ZNF423: variants seen among roughly 807,000 people sequenced by gnomAD.
ZNF423 encodes the protein Ebf-associated zinc finger protein.
ZNF423 carries 12 observed loss-of-function variants against 95.8 expected under a neutral mutation model. The observed-to-expected ratio is 0.13, with a 90% CI of 0.08 to 0.20. The LOEUF (loss-of-function observed/expected upper bound fraction) is 0.20, where lower values mean the gene tolerates loss of function less well. Ranked by LOEUF, ZNF423 falls within the 10% of genes least tolerant of loss-of-function variation. ZNF423 has a pLI of 1.00. For synonymous variants in ZNF423, 749 were observed against 711.9 expected (o/e 1.05, Z -0.83); for missense variants, 1,316 against 1,737.1 (o/e 0.76, Z 4.31).
chr16:49,839,022 C>T (rs1330765310), intron 1 of ZNF423, among the ~76,000 whole-genome samples: 1 of 151,096 alleles, frequency 6.6e-6, no homozygotes, highest in Non-Finnish European at 1.5e-5. Flanking sequence ...CCCGAGGCCC[C>T]CTCCCCTGAT....
At chr16:49,796,052 G>T (rs888125531) in intron 1 of ZNF423, among the ~76,000 whole-genome samples, 2 of 152,132 alleles carry the variant, frequency 1.3e-5, no homozygotes, top group South Asian at 2.1e-4. Context: ...CTGGGGCTCT[G>T]CCAGGGCTTC....
chr16:49,699,252 CG>C (rs1175414177), intron 3 of ZNF423, among the ~76,000 whole-genome samples: 1 of 152,104 alleles, frequency 6.6e-6, no homozygotes, highest in Non-Finnish European at 1.5e-5. Context: ...CCGGCTCCCC[CG>C]GGGGCCGCAC....
intron 5 of ZNF423, among the ~76,000 whole-genome samples, chr16:49,577,320 T>A (rs1970530272): frequency 6.6e-6 from 1 of 152,198 alleles, no homozygotes; most frequent in Non-Finnish European, 1.5e-5. Flanking sequence ...TATGTAATTC[T>A]CACTAGCACA....
intron 1 of ZNF423, among the ~76,000 whole-genome samples, chr16:49,831,343 T>C (rs955574369): frequency 3.3e-5 from 5 of 152,202 alleles, no homozygotes; most frequent in African/African-American, 1.2e-4. Context: ...AGGAAATGGG[T>C]TCATTTTCCC....
At chr16:49,519,960 T>C (rs573680886) in intron 7 of ZNF423, among the ~76,000 whole-genome samples, 1 of 152,190 alleles carries the variant, frequency 6.6e-6, no homozygotes, top group African/African-American at 2.4e-5. Flanking sequence ...ACTGCCTTCA[T>C]GCCATCGGGC....
chr16:49,755,024 G>A (rs1007720756), intron 2 of ZNF423, among the ~76,000 whole-genome samples: 1 of 152,186 alleles, frequency 6.6e-6, no homozygotes, highest in East Asian at 1.9e-4. Flanking sequence ...GCTATCTTCC[G>A]CGGTGGCAGC....
At chr16:49,778,146 G>A (rs2034150717) in intron 2 of ZNF423, among the ~76,000 whole-genome samples, 1 of 152,188 alleles carries the variant, frequency 6.6e-6, no homozygotes, top group Admixed American at 6.5e-5. Flanking sequence ...TTTTGAACCA[G>A]AGAGGCATCA....
intron 5 of ZNF423, among the ~76,000 whole-genome samples, chr16:49,547,708 C>T (rs1046834785): frequency 6.6e-6 from 1 of 152,226 alleles, no homozygotes; most frequent in African/African-American, 2.4e-5. Flanking sequence ...CTCCAAAGAG[C>T]ACAGCAGGTA....
At chr16:49,618,309 A>G (rs1971944380) in intron 5 of ZNF423, among the ~76,000 whole-genome samples, 1 of 152,188 alleles carries the variant, frequency 6.6e-6, no homozygotes, top group African/African-American at 2.4e-5. Flanking sequence ...GGTGCTGAGT[A>G]AGCTTCATTA....
chr16:49,515,040 A>G (rs978433617), intron 7 of ZNF423, among the ~76,000 whole-genome samples: 4 of 152,250 alleles, frequency 2.6e-5, no homozygotes, highest in African/African-American at 9.6e-5. Flanking sequence ...AAGGGGAGAA[A>G]GGTGGCAGCA....
rs145072962 is a variant in ZNF423 at position 49,789,795 on chromosome 16, C to T, written c.41-249G>A. On this transcript the variant is annotated intron_variant, in intron 1 of 7. Coordinates refer to ENST00000563137, the MANE Select transcript of ZNF423 (RefSeq NM_001379286.1). ...TTATGGTTTCCCCAGCCCTGTGCCC[C>T]TGGCAGACATCACTAATCAATCTCA... Among the ~76,000 whole-genome samples, 11 of 152,290 alleles carry T rather than the reference C, an allele frequency of 7.2e-5. No homozygotes were observed. The East Asian group carries it at 2.1e-3, about 29-fold the overall frequency.
chr16:49,706,831 G>T (rs1329094845), intron 3 of ZNF423, among the ~76,000 whole-genome samples: 2 of 152,294 alleles, frequency 1.3e-5, no homozygotes, highest in East Asian at 3.9e-4. Context: ...GTGAGGTAAT[G>T]GCTCCGGGCA....
intron 5 of ZNF423, among the ~76,000 whole-genome samples, chr16:49,543,989 C>G (rs541634344): frequency 2.6e-4 from 40 of 152,310 alleles, no homozygotes; most frequent in South Asian, 4.1e-4. Flanking sequence ...TGATAGAATG[C>G]AACAACTGTC....
intron 5 of ZNF423, among the ~76,000 whole-genome samples, chr16:49,560,044 C>T (rs1197884924): frequency 4.6e-5 from 7 of 152,166 alleles, no homozygotes; most frequent in East Asian, 1.9e-4. Context: ...AGCAGGGTAC[C>T]GAGTAGAACA....
At chr16:49,527,993 T>A (rs1968680638) in intron 5 of ZNF423, among the ~76,000 whole-genome samples, 1 of 152,146 alleles carries the variant, frequency 6.6e-6, no homozygotes, top group African/African-American at 2.4e-5. Flanking sequence ...TGTAACCATG[T>A]GAGATTTTCT....
At chr16:49,847,425 A>C (rs1274471886) in intron 1 of ZNF423, 2 of 152,284 alleles carry the variant, frequency 1.3e-5, no homozygotes, top group African/African-American at 4.8e-5. Flanking sequence ...CAGTCTCAAA[A>C]GAATGCTGTC....
At chr16:49,711,177 A>G (rs1200115765) in intron 3 of ZNF423, 1 of 152,260 alleles carries the variant, frequency 6.6e-6, no homozygotes, top group African/African-American at 2.4e-5. Context: ...TGAAGGAAAG[A>G]GAAGGTTACA....
At chr16:49,795,383 G>A (rs2080354) in intron 1 of ZNF423, among the ~76,000 whole-genome samples, 68,902 of 152,014 alleles carry the variant, frequency 0.45, 15,764 homozygotes, top group South Asian at 0.49. Flanking sequence ...CCCTCATGGC[G>A]CTCACACTTG....
chr16:49,797,877 C>A (rs180992980), intron 1 of ZNF423, among the ~76,000 whole-genome samples: 1 of 152,236 alleles, frequency 6.6e-6, no homozygotes, highest in African/African-American at 2.4e-5. Flanking sequence ...AATATATGGG[C>A]ATCTCACCAA....
Sources: gnomAD v4.1 joint callset for allele counts (sites outside exome capture counted in the v4.1 genomes callset) on GRCh38, gnomAD v4.1.1 for gene constraint, MANE v1.5 for transcripts, NCBI Gene and HGNC (gene_info 2026-07-23, HGNC 2026-07-21) for gene names.